The following TNS3 variants were observed in gnomAD, a reference collection of about 807,000 sequenced individuals.
TNS3 encodes the protein tensin-3.
Under a neutral mutation model 140.9 loss-of-function variants are expected in TNS3, and 45 were observed. That is an observed-to-expected ratio of 0.32 (90% CI 0.25 to 0.41). The LOEUF (loss-of-function observed/expected upper bound fraction) is 0.41. TNS3 is among the 10% of genes least tolerant of loss of function. The probability of loss-of-function intolerance (pLI) is 1.00; values close to 1 mark genes in which losing one functional copy is unlikely to be tolerated. For synonymous variants in TNS3, 815 were observed against 788.4 expected (o/e 1.03, Z -0.56); for missense variants, 1,716 against 1,906.7 (o/e 0.90, Z 1.86).
chr7:47,371,863 G>C (rs1170563424), intron 16 of TNS3, among the ~76,000 whole-genome samples: 5 of 152,200 alleles, frequency 3.3e-5, no homozygotes, highest in South Asian at 4.1e-4. Context: ...CACCCTTAGG[G>C]TTCTACCAAC....
chr7:47,426,927 C>G (rs935661953), intron 9 of TNS3, among the ~76,000 whole-genome samples: 2 of 151,968 alleles, frequency 1.3e-5, no homozygotes, highest in African/African-American at 4.8e-5. Context: ...GAGTTCAAGA[C>G]CAGCCTGGCC....
At chr7:47,442,895 G>A (rs1795538563) in intron 4 of TNS3, among the ~76,000 whole-genome samples, 1 of 152,120 alleles carries the variant, frequency 6.6e-6, no homozygotes, top group South Asian at 2.1e-4. Context: ...ATCACACCTG[G>A]GATCCCACTC....
chr7:47,496,350 T>C (rs1798006463), intron 3 of TNS3, among the ~76,000 whole-genome samples: 1 of 152,084 alleles, frequency 6.6e-6, no homozygotes, highest in Admixed American at 6.5e-5. Flanking sequence ...TGGGGCCACA[T>C]GTGTGGAAGG....
At chr7:47,563,189 G>C (rs953518421) in intron 1 of TNS3, among the ~76,000 whole-genome samples, 1 of 152,248 alleles carries the variant, frequency 6.6e-6, no homozygotes, top group Non-Finnish European at 1.5e-5. Context: ...GCACCTGCCA[G>C]AAACACAGAA....
chr7:47,557,031 C>T (rs949651183), intron 1 of TNS3: 1 of 456,584 alleles, frequency 2.2e-6, no homozygotes, highest in Non-Finnish European at 4.4e-6. Flanking sequence ...AGCAACAGAA[C>T]CTGACCTGTG....
chr7:47,488,243 G>A (rs1797683386), intron 3 of TNS3, among the ~76,000 whole-genome samples: 2 of 152,202 alleles, frequency 1.3e-5, no homozygotes, highest in Non-Finnish European at 2.9e-5. Flanking sequence ...GCAGGGTAAG[G>A]AGAATAATCA....
intron 4 of TNS3, among the ~76,000 whole-genome samples, chr7:47,454,435 A>C (rs7778450): frequency 0.16 from 23,753 of 152,042 alleles, 2,018 homozygotes; most frequent in Non-Finnish European, 0.18. Context: ...CTAGCTGACA[A>C]CACCACCAGC....
chr7:47,280,180 C>A lies in TNS3; in HGVS notation c.4177G>T (p.Asp1393Tyr). The change falls in exon 30 of 31, where the codon GAT becomes TAT. Residue 1393 changes from aspartate to tyrosine, a missense_variant. Transcript: ENST00000311160. ...GCAACTTACTTTGAGGAAGGGCCAT[C>A]TTTGATCCACCTTGCAAATTAAAGA... ...LDPQDRKWIK[D>Y]GPSSKVFGFV... 1.2e-6 allele frequency: 2 copies of A among 1,614,160 alleles called. No homozygotes were observed. Among genetic ancestry groups the A allele is most frequent in the Non-Finnish European group, 1.7e-6 (2 of 1,180,026 alleles).
intron 1 of TNS3, among the ~76,000 whole-genome samples, chr7:47,561,471 C>G (rs1225238859): frequency 6.6e-6 from 1 of 151,878 alleles, no homozygotes; most frequent in Non-Finnish European, 1.5e-5. Flanking sequence ...TTTCTTAACT[C>G]TTTTTTTTAA....
chr7:47,439,417 G>C, intron 6 of TNS3, 70 bp downstream of exon 6: 1 of 1,531,136 alleles, frequency 6.5e-7, no homozygotes, highest in Admixed American at 1.8e-5. Flanking sequence ...AGTGTTCTGT[G>C]AGTGCCCATC....
chr7:47,537,252 A>G (rs1280885519), intron 1 of TNS3, among the ~76,000 whole-genome samples: 5 of 152,042 alleles, frequency 3.3e-5, no homozygotes, highest in Non-Finnish European at 5.9e-5. Context: ...GGGAGGGGCC[A>G]AGGGCTCTCC....
intron 10 of TNS3, among the ~76,000 whole-genome samples, chr7:47,417,762 A>C (rs1794161008): frequency 9.1e-6 from 1 of 109,528 alleles, no homozygotes; most frequent in South Asian, 3.6e-4. Flanking sequence ...CAACAACAAC[A>C]AAAAAAAACC....
In TNS3 at chr7:47,405,375, A is replaced by C. The variant is rs887915540; in HGVS notation, c.724-4461T>G. 14 of 634,368 alleles carry C rather than the reference A, an allele frequency of 2.2e-5. No homozygotes were observed. The African/African-American group carries it at 2.4e-4, about 11-fold the overall frequency. 39.3% of individuals were successfully genotyped at this position (634,368 alleles called of 1,614,324 possible). ...CCACTGGTGGCCCAGGCAACTGTCT[A>C]CGCAGGCCTCAAGGAATCTGTGAAC... On this transcript the variant is annotated intron_variant, in intron 13 of 30. Transcript: ENST00000311160.
At chr7:47,383,178 A>G (rs2470999) in intron 16 of TNS3, among the ~76,000 whole-genome samples, 117,361 of 152,218 alleles carry the variant, frequency 0.77, 45,668 homozygotes, top group Non-Finnish European at 0.82. Context: ...CACACCAGCT[A>G]ACAAATGAAT....
At chr7:47,409,397 C>CCCATGCTCTTGGTGGG (rs1562703071) in intron 13 of TNS3, among the ~76,000 whole-genome samples, 2 of 152,050 alleles carry the variant, frequency 1.3e-5, no homozygotes, top group Non-Finnish European at 2.9e-5. Flanking sequence ...AGAGGGCCGT[C>CCCATGCTCTTGGTGGG]CCATGCTCTT....
intron 2 of TNS3, among the ~76,000 whole-genome samples, chr7:47,514,117 C>A (rs1343354170): frequency 6.6e-6 from 1 of 152,228 alleles, no homozygotes; most frequent in African/African-American, 2.4e-5. Context: ...TCTGCTTCTC[C>A]TAGCATCAAC....
Position 47,414,031 on chromosome 7 carries a change from G to T in TNS3, c.587-34C>A. On this transcript the variant is annotated intron_variant, in intron 11 of 30. Coordinates refer to ENST00000311160, the MANE Select transcript of TNS3 (RefSeq NM_022748.12). Reference sequence around the variant, plus strand: ...AAGGCACAACTGTCTGTAGAGGCATGACCGGTACAGAACGAACAGGAATTT... The same window carrying T: ...AAGGCACAACTGTCTGTAGAGGCATTACCGGTACAGAACGAACAGGAATTT... 1.9e-6 allele frequency: 3 copies of T among 1,607,038 alleles called. No homozygotes were observed. The South Asian group carries it at 3.3e-5, about 18-fold the overall frequency.
At chr7:47,308,004 A>G (rs542255603) in intron 20 of TNS3, among the ~76,000 whole-genome samples, 5 of 152,322 alleles carry the variant, frequency 3.3e-5, no homozygotes, top group South Asian at 2.1e-4. Flanking sequence ...GTTGTATCTA[A>G]AATAGTATCT....
intron 20 of TNS3, among the ~76,000 whole-genome samples, chr7:47,339,886 A>G (rs1296175342): frequency 6.6e-6 from 1 of 151,006 alleles, no homozygotes; most frequent in African/African-American, 2.4e-5. Flanking sequence ...AGTTTTCAGC[A>G]CAGAAGTCTT....
Sources: allele counts gnomAD v4.1 joint callset (sites outside exome capture counted in the v4.1 genomes callset), GRCh38; gene constraint gnomAD v4.1.1; transcripts MANE v1.5; gene names NCBI Gene and HGNC (gene_info 2026-07-23, HGNC 2026-07-21).